Variants in LRRFIP1 observed in about 807,000 individuals in gnomAD.
LRRFIP1 encodes LRR binding FLII interacting protein 1.
Under a neutral mutation model 104.4 loss-of-function variants are expected in LRRFIP1, and 62 were observed. That is an observed-to-expected ratio of 0.59 (90% CI 0.48 to 0.73). The LOEUF (loss-of-function observed/expected upper bound fraction) is 0.73, where lower values mean the gene tolerates loss of function less well. Among genes scored for constraint, LRRFIP1 ranks in the 30% least tolerant of loss-of-function variants. The pLI is 0.00. For missense variants in LRRFIP1, 796 were observed against 824.5 expected, an observed-to-expected ratio of 0.97 and a Z score of 0.42; for synonymous variants, 300 against 299.0, an observed-to-expected ratio of 1.00 and a Z score of -0.03.
chr2:237,666,268 C>G (rs2089225794), intron 1 of LRRFIP1, among the ~76,000 whole-genome samples: 1 of 152,268 alleles, frequency 6.6e-6, no homozygotes, highest in South Asian at 2.1e-4. Context: ...GGCGCATTGG[C>G]AGTCCTGTGC....
chr2:237,708,982 C>T (rs368022532), intron 2 of LRRFIP1, among the ~76,000 whole-genome samples: 11 of 152,322 alleles, frequency 7.2e-5, no homozygotes, highest in South Asian at 2.1e-4. Flanking sequence ...AAAAGAAGAA[C>T]GGATTAATGA....
intron 19 of LRRFIP1, chr2:237,768,984 G>C (rs937300087): frequency 6.6e-6 from 1 of 152,304 alleles, no homozygotes; most frequent in African/African-American, 2.4e-5. Flanking sequence ...GTTTAGGGGA[G>C]TGTTCCCGTG....
intron 8 of LRRFIP1, among the ~76,000 whole-genome samples, chr2:237,731,859 C>A (rs1214713622): frequency 6.6e-6 from 1 of 152,140 alleles, no homozygotes; most frequent in Non-Finnish European, 1.5e-5. Flanking sequence ...CGCCCTGAGC[C>A]CTGTGTGCCC....
chr2:237,666,718 G>A (rs1375276019), intron 1 of LRRFIP1, among the ~76,000 whole-genome samples: 1 of 139,350 alleles, frequency 7.2e-6, no homozygotes, highest in Admixed American at 7.4e-5. Flanking sequence ...AGTGGAGTGC[G>A]CTTTCTTTCT....
intron 14 of LRRFIP1, among the ~76,000 whole-genome samples, chr2:237,752,655 G>C (rs2058767381): frequency 1.3e-5 from 2 of 152,236 alleles, no homozygotes. Flanking sequence ...GGACCTGCAA[G>C]GGTGTGAGGC....
Position 237,779,880 on chromosome 2 carries a change from G to T in LRRFIP1, c.*348G>T. 1.9e-5 allele frequency: 3 copies of T among 154,074 alleles called. No homozygotes were observed. The highest frequency in any genetic ancestry group is 6.5e-5 in the Admixed American group (1 of 15,348). 9.5% of individuals were successfully genotyped at this position (154,074 alleles called of 1,614,324 possible). On this transcript the variant is annotated 3_prime_UTR_variant, in exon 24 of 24. Coordinates refer to ENST00000308482, the MANE Select transcript of LRRFIP1 (RefSeq NM_001137550.2). ...AAGTAAAGATTCAGTTGGGACTTGA[G>T]TTTTTTTTTTTTTTCATGTGTCTTG...
At chr2:237,724,097 C>T (rs1252311413) in intron 7 of LRRFIP1, among the ~76,000 whole-genome samples, 1 of 148,618 alleles carries the variant, frequency 6.7e-6, no homozygotes, top group Non-Finnish European at 1.5e-5. Flanking sequence ...AAACTCCTAA[C>T]TTCCAGTAAC....
At chr2:237,634,237 T>C (rs756887618) in intron 1 of LRRFIP1, among the ~76,000 whole-genome samples, 1 of 152,222 alleles carries the variant, frequency 6.6e-6, no homozygotes, top group Non-Finnish European at 1.5e-5. Flanking sequence ...AACATACATA[T>C]GTATTACACA....
intron 1 of LRRFIP1, among the ~76,000 whole-genome samples, chr2:237,666,159 G>A (rs1438217805): frequency 6.6e-6 from 1 of 152,226 alleles, no homozygotes; most frequent in Non-Finnish European, 1.5e-5. Context: ...GAATTAATAA[G>A]AGAACTGGCA....
chr2:237,772,806 T>C, intron 21 of LRRFIP1, 60 bp from the exon 22 acceptor site: 1 of 1,131,016 alleles, frequency 8.8e-7, no homozygotes, highest in South Asian at 1.3e-5. Context: ...CAGTAACTAT[T>C]GTTTTAATAT....
chr2:237,671,128 T>C (rs1231911500), intron 1 of LRRFIP1, among the ~76,000 whole-genome samples: 3 of 152,198 alleles, frequency 2.0e-5, no homozygotes, highest in African/African-American at 7.2e-5. Context: ...GGGAACCCCT[T>C]CAGCTTCGAA....
intron 19 of LRRFIP1, 28 bp downstream of exon 19, chr2:237,760,233 C>T: frequency 6.2e-7 from 1 of 1,611,298 alleles, no homozygotes; most frequent in Non-Finnish European, 8.5e-7. Flanking sequence ...TTCGGCTCCT[C>T]ACACCTTTCC....
chr2:237,738,807 T>C (rs187015212), intron 10 of LRRFIP1, among the ~76,000 whole-genome samples: 64 of 152,370 alleles, frequency 4.2e-4, no homozygotes, highest in East Asian at 2.7e-3. Context: ...GGAAAGATAG[T>C]GGAGAAGCAA....
At chr2:237,734,994 C>G (rs1039699486) in intron 9 of LRRFIP1, among the ~76,000 whole-genome samples, 6 of 152,122 alleles carry the variant, frequency 3.9e-5, no homozygotes, top group African/African-American at 1.4e-4. Context: ...TCACTTAGGC[C>G]TGGGATGTTT....
intron 1 of LRRFIP1, among the ~76,000 whole-genome samples, chr2:237,640,417 A>G (rs1052518836): frequency 4.0e-5 from 6 of 151,320 alleles, no homozygotes; most frequent in Admixed American, 6.6e-5. Context: ...TTCAGCGCAC[A>G]CCTCTTGTCT....
intron 1 of LRRFIP1, among the ~76,000 whole-genome samples, chr2:237,671,813 T>G (rs1317367355): frequency 3.3e-5 from 5 of 150,418 alleles, no homozygotes; most frequent in Admixed American, 3.3e-4. Context: ...TGTGCCTGCA[T>G]GTGTGTGTGC....
At chr2:237,752,355 G>A (rs901178806) in intron 14 of LRRFIP1, among the ~76,000 whole-genome samples, 3 of 152,232 alleles carry the variant, frequency 2.0e-5, no homozygotes, top group Non-Finnish European at 4.4e-5. Context: ...GCAGTGAGCC[G>A]AGATCGTGCC....
intron 1 of LRRFIP1, among the ~76,000 whole-genome samples, chr2:237,659,798 G>A (rs1341589630): frequency 2.0e-5 from 3 of 151,828 alleles, no homozygotes; most frequent in Non-Finnish European, 4.4e-5. Context: ...GTGCCACCAC[G>A]CCCAGCTAAT....
Position 237,756,138 on chromosome 2 carries a change from A to G in LRRFIP1, c.1082A>G (p.Gln361Arg), listed in dbSNP as rs942848361. The G allele has an allele frequency of 6.2e-6, 10 of 1,613,924 alleles. No individual in the cohort carries two copies. Among genetic ancestry groups the G allele is most frequent in the Non-Finnish European group, 7.6e-6 (9 of 1,179,980 alleles). The change falls in exon 16 of 24, where the codon CAG (glutamine) becomes CGG (arginine). Residue 361 changes from glutamine to arginine, a missense_variant. Coordinates refer to ENST00000308482, the MANE Select transcript of LRRFIP1 (RefSeq NM_001137550.2). The part of the protein sequence containing the change: ...EKHAHSILQF[Q>R]FAEVKEALKQ... ...CACGCCCACAGTATACTGCAATTTC[A>G]GTTTGCTGAAGTCAAGGAGGCCCTG...
Sources: gnomAD v4.1 joint callset for allele counts (sites outside exome capture counted in the v4.1 genomes callset) on GRCh38, gnomAD v4.1.1 for gene constraint, MANE v1.5 for transcripts, NCBI Gene and HGNC (gene_info 2026-07-23, HGNC 2026-07-21) for gene names.